The following RNF150 variants were observed in gnomAD, a reference collection of about 807,000 sequenced individuals.
The protein encoded by RNF150 is ring finger protein 150.
A neutral mutation model predicts 39.3 loss-of-function variants in RNF150; 24 were observed. The observed-to-expected ratio is 0.61, with a 90% CI of 0.44 to 0.86. The LOEUF (loss-of-function observed/expected upper bound fraction) is 0.86, where lower values mean the gene tolerates loss of function less well. RNF150 is among the 40% of genes least tolerant of loss of function. The pLI is 0.00. For missense variants in RNF150, 502 were observed against 587.8 expected (o/e 0.85, Z 1.51); for synonymous variants, 255 against 227.3 (o/e 1.12, Z -1.10).
At chr4:141,193,357 C>T (rs995325819) in intron 1 of RNF150, among the ~76,000 whole-genome samples, 5 of 152,204 alleles carry the variant, frequency 3.3e-5, no homozygotes, top group African/African-American at 1.2e-4. Flanking sequence ...CCTTTTGTGC[C>T]CAATCTTGGG....
intron 4 of RNF150, among the ~76,000 whole-genome samples, chr4:140,938,875 G>C (rs1430707965): frequency 6.6e-6 from 1 of 152,292 alleles, no homozygotes; most frequent in East Asian, 1.9e-4. Flanking sequence ...TGAGGTCCAT[G>C]TTAAAAATAT....
At chr4:141,124,567 G>C (rs1045572168) in intron 1 of RNF150, among the ~76,000 whole-genome samples, 2 of 152,208 alleles carry the variant, frequency 1.3e-5, no homozygotes, top group Non-Finnish European at 2.9e-5. Flanking sequence ...GGTTTCATCA[G>C]TGCATGGCTA....
chr4:140,960,323 C>T lies in RNF150; in HGVS notation c.735+7300G>A, dbSNP rs186869111. ...TACTGTGATATATAATAAGGACTAT[C>T]TATATTTTGGTCTTCATTCCAGCTC... On this transcript the variant is annotated intron_variant, in intron 2 of 6. Coordinates refer to ENST00000515673, the MANE Select transcript of RNF150 (RefSeq NM_020724.2). 9.9e-4 allele frequency among the ~76,000 whole-genome samples: 150 copies of T among 152,206 alleles called. 1 individual carries two copies. The highest frequency in any genetic ancestry group is 3.5e-3 in the African/African-American group (146 of 41,554).
chr4:141,197,679 C>T (rs534741779), intron 1 of RNF150, among the ~76,000 whole-genome samples: 3 of 152,104 alleles, frequency 2.0e-5, no homozygotes, highest in Admixed American at 1.3e-4. Flanking sequence ...GAGATCGAGA[C>T]CATCCTGGCT....
intron 1 of RNF150, among the ~76,000 whole-genome samples, chr4:141,114,315 G>A (rs1010698136): frequency 2.6e-5 from 4 of 151,434 alleles, no homozygotes; most frequent in African/African-American, 4.8e-5. Context: ...CAAAAATGAC[G>A]AGGATATCAC....
intron 1 of RNF150, among the ~76,000 whole-genome samples, chr4:141,103,081 C>T (rs1325984681): frequency 6.6e-6 from 1 of 152,182 alleles, no homozygotes; most frequent in African/African-American, 2.4e-5. Context: ...TAGCCTCTCC[C>T]CGTAACTGTG....
intron 1 of RNF150, among the ~76,000 whole-genome samples, chr4:141,042,887 T>C (rs1736422626): frequency 6.6e-6 from 1 of 152,130 alleles, no homozygotes; most frequent in Non-Finnish European, 1.5e-5. Flanking sequence ...TTCTTGAACC[T>C]TGTCTTCGGC....
intron 5 of RNF150, among the ~76,000 whole-genome samples, chr4:140,918,544 T>TA (rs1385501524): frequency 6.6e-6 from 1 of 152,036 alleles, no homozygotes; most frequent in Admixed American, 6.5e-5. Flanking sequence ...CAATAATCAA[T>TA]AGCTTACCAA....
At chr4:140,948,093 T>C (rs1010494063) in intron 3 of RNF150, among the ~76,000 whole-genome samples, 1 of 152,222 alleles carries the variant, frequency 6.6e-6, no homozygotes, top group Non-Finnish European at 1.5e-5. Context: ...TGGAATCTAG[T>C]GTATAAAATA....
chr4:140,941,837 T>C (rs1732094752), intron 4 of RNF150, among the ~76,000 whole-genome samples: 1 of 152,236 alleles, frequency 6.6e-6, no homozygotes, highest in South Asian at 2.1e-4. Flanking sequence ...TATAAAATTA[T>C]CACTGTCAGG....
intron 1 of RNF150, among the ~76,000 whole-genome samples, chr4:141,023,885 A>G (rs1193051645): frequency 6.6e-6 from 1 of 152,208 alleles, no homozygotes; most frequent in Admixed American, 6.5e-5. Context: ...CTCATTTAAC[A>G]TGTATTAAAC....
At position 140,868,307 on chromosome 4, in the gene RNF150, T is replaced by C; in HGVS notation, c.1271A>G (p.Asp424Gly). ...GTCCTGGTCAGTGGAAAGTTCTACATCAGACAGTCCAACCTCCATTGCCAT... is the reference window on the plus strand; with the variant it reads ...GTCCTGGTCAGTGGAAAGTTCTACACCAGACAGTCCAACCTCCATTGCCAT... ...LIMAMEVGLS[D>G]VELSTDQDCE... The change falls in exon 7 of 7, where the codon GAT becomes GGT. Residue 424 changes from aspartate (D) to glycine (G), a missense_variant. By Grantham distance (94) the Asp-to-Gly change is moderately conservative. Transcript: ENST00000515673. 6.2e-7 allele frequency: 1 copy of C among 1,612,656 alleles called. No homozygotes were observed. Among genetic ancestry groups the C allele is most frequent in the Non-Finnish European group, 8.5e-7 (1 of 1,178,678 alleles).
intron 1 of RNF150, among the ~76,000 whole-genome samples, chr4:141,016,040 T>TGG (rs1735259498): frequency 6.6e-6 from 1 of 152,178 alleles, no homozygotes. Context: ...TCCAATGTTG[T>TGG]TATGTGACCT....
chr4:140,885,589 A>G (rs561057316), intron 6 of RNF150, among the ~76,000 whole-genome samples: 2 of 151,724 alleles, frequency 1.3e-5, no homozygotes, highest in Admixed American at 1.3e-4. Context: ...GGCATGCACC[A>G]CTATGCCCGG....
intron 1 of RNF150, among the ~76,000 whole-genome samples, chr4:141,212,459 C>T (rs1728482662): frequency 2.0e-5 from 3 of 152,176 alleles, no homozygotes; most frequent in African/African-American, 7.2e-5. Context: ...ATCAAACAAA[C>T]TAAACATATG....
intron 1 of RNF150, among the ~76,000 whole-genome samples, chr4:141,002,959 C>A (rs1329041832): frequency 2.0e-5 from 3 of 152,060 alleles, no homozygotes; most frequent in Non-Finnish European, 4.4e-5. Flanking sequence ...ACAGCTAGTG[C>A]CTATAGCACT....
intron 1 of RNF150, among the ~76,000 whole-genome samples, chr4:140,969,344 T>C (rs1256798953): frequency 1.3e-5 from 2 of 152,106 alleles, no homozygotes; most frequent in African/African-American, 4.8e-5. Context: ...AGCCATAGTA[T>C]GGGTTTGGCT....
intron 1 of RNF150, among the ~76,000 whole-genome samples, chr4:141,203,110 G>A (rs977881604): frequency 8.0e-5 from 11 of 138,262 alleles, no homozygotes; most frequent in East Asian, 4.3e-4. Context: ...TCTTGGAGAC[G>A]ATATATATAT....
At chr4:140,905,590 A>G (rs1730341840) in intron 6 of RNF150, among the ~76,000 whole-genome samples, 1 of 152,214 alleles carries the variant, frequency 6.6e-6, no homozygotes, top group Admixed American at 6.5e-5. Flanking sequence ...TTGTCAATGA[A>G]CAGAGCGATG....
Sources: allele counts gnomAD v4.1 joint callset (sites outside exome capture counted in the v4.1 genomes callset), GRCh38; gene constraint gnomAD v4.1.1; transcripts MANE v1.5; gene names NCBI Gene and HGNC (gene_info 2026-07-23, HGNC 2026-07-21).